CHRM3: variants seen among roughly 807,000 people sequenced by gnomAD.
The protein encoded by CHRM3 is muscarinic acetylcholine receptor M3.
CHRM3 carries 11 observed loss-of-function variants against 41.8 expected under a neutral mutation model. That is an observed-to-expected ratio of 0.26 (90% CI 0.17 to 0.44). CHRM3 has a LOEUF of 0.44. Among genes scored for constraint, CHRM3 ranks in the 20% least tolerant of loss-of-function variants. The pLI is 1.00. For missense variants in CHRM3, 571 were observed against 745.4 expected (o/e 0.77, Z 2.72); for synonymous variants, 297 against 301.4 (o/e 0.99, Z 0.15).
At chr1:239,433,827 T>C (rs1189126007) in intron 1 of CHRM3, among the ~76,000 whole-genome samples, 2 of 152,188 alleles carry the variant, frequency 1.3e-5, no homozygotes, top group African/African-American at 2.4e-5. Context: ...CCATCGTATA[T>C]ACATATATAC....
rs116329473 is a variant in CHRM3 at position 239,776,213 on chromosome 1, G to T, written c.-146-51039G>T. On this transcript the variant is annotated intron_variant, in intron 5 of 6. Transcript: ENST00000676153. ...ACAGACTCTGGAGCCAGACTCCTTG[G>T]ATTTGAATACAGCCTCCATGTTACC... is the stretch of plus-strand genomic sequence containing the variant. 7.0e-3 allele frequency among the ~76,000 whole-genome samples: 1,065 copies of T among 152,184 alleles called. 9 individuals carry two copies. Among genetic ancestry groups the T allele is most frequent in the African/African-American group, 0.024 (1,014 of 41,518 alleles).
intron 3 of CHRM3, among the ~76,000 whole-genome samples, chr1:239,582,714 G>A (rs1663010570): frequency 6.6e-6 from 1 of 152,016 alleles, no homozygotes; most frequent in Non-Finnish European, 1.5e-5. Flanking sequence ...TCTTTCCTGG[G>A]TTACTAAAAC....
chr1:239,429,224 CTT>C (rs1476850998), intron 1 of CHRM3, among the ~76,000 whole-genome samples: 1 of 152,164 alleles, frequency 6.6e-6, no homozygotes, highest in Non-Finnish European at 1.5e-5. Flanking sequence ...TCTAACAACT[CTT>C]TTGCCTGTGA....
At chr1:239,659,575 C>A (rs925100852) in intron 4 of CHRM3, among the ~76,000 whole-genome samples, 6 of 152,160 alleles carry the variant, frequency 3.9e-5, no homozygotes, top group African/African-American at 1.4e-4. Context: ...ACTTGAAATG[C>A]GACTAGTGGC....
chr1:239,482,827 G>A (rs1482133291), intron 1 of CHRM3, among the ~76,000 whole-genome samples: 1 of 152,188 alleles, frequency 6.6e-6, no homozygotes, highest in Non-Finnish European at 1.5e-5. Context: ...TCAAATGATT[G>A]AATGAATAAT....
chr1:239,469,668 T>A (rs995125015), intron 1 of CHRM3, among the ~76,000 whole-genome samples: 2 of 152,168 alleles, frequency 1.3e-5, no homozygotes, highest in Non-Finnish European at 2.9e-5. Context: ...GCAATTCTCC[T>A]GCCTCAGCCT....
chr1:239,841,046 T>C lies in CHRM3; in HGVS notation c.-20+13668T>C, dbSNP rs375399242. Among the ~76,000 whole-genome samples, 7 of 152,330 alleles carry C rather than the reference T, an allele frequency of 4.6e-5. No homozygotes were observed. In the East Asian group the frequency reaches 1.4e-3, roughly 29 times the overall value. On this transcript the variant is annotated intron_variant, in intron 6 of 6. Coordinates refer to ENST00000676153, the MANE Select transcript of CHRM3 (RefSeq NM_001375978.1). ...TTGCTCAGAGGCCATCCACCCACACTGTGTTCCATGGCACCCTGACTCTCT... is the reference window on the plus strand; with the variant it reads ...TTGCTCAGAGGCCATCCACCCACACCGTGTTCCATGGCACCCTGACTCTCT...
intron 2 of CHRM3, among the ~76,000 whole-genome samples, chr1:239,527,488 T>C (rs368925826): frequency 1.3e-5 from 2 of 152,222 alleles, no homozygotes; most frequent in East Asian, 3.8e-4. Context: ...CAACTGATTG[T>C]TCCTGGATCT....
At chr1:239,433,721 A>G (rs748579184) in intron 1 of CHRM3, among the ~76,000 whole-genome samples, 5 of 151,536 alleles carry the variant, frequency 3.3e-5, no homozygotes, top group Non-Finnish European at 7.4e-5. Flanking sequence ...TTGGTTTTCC[A>G]TTCCTGAGTT....
chr1:239,683,547 C>G (rs1042333694), intron 5 of CHRM3, among the ~76,000 whole-genome samples: 14 of 152,104 alleles, frequency 9.2e-5, no homozygotes, highest in Non-Finnish European at 5.9e-5. Context: ...GTCTTTTTTA[C>G]TTTTTTCTGC....
chr1:239,868,170 T>C (rs1301575949), intron 6 of CHRM3, among the ~76,000 whole-genome samples: 1 of 152,202 alleles, frequency 6.6e-6, no homozygotes, highest in Non-Finnish European at 1.5e-5. Context: ...GGGTGAGACA[T>C]TAATGCTCAG....
rs1558292812 is a variant in CHRM3, at chr1:239,529,620, AAAAAAAAAAAACAAAC to A, written c.-421-16017_-421-16002del. 3.4e-4 allele frequency among the ~76,000 whole-genome samples: 38 copies of A among 112,110 alleles called. No homozygotes were observed. The East Asian group carries it at 7.8e-3, about 23-fold the overall frequency. The allele number at this position is 112,110 out of a possible 152,430, so 73.5% of individuals were successfully genotyped here. On this transcript the variant is annotated intron_variant, in intron 2 of 6. Transcript: ENST00000676153. ...GAGAGACTCCGTCTCAAAAAAAAAA[AAAAAAAAAAAACAAAC>A]AAACAACAACAATAACAACAACAAA...
intron 3 of CHRM3, among the ~76,000 whole-genome samples, chr1:239,594,987 G>C (rs1477847512): frequency 2.6e-5 from 4 of 152,230 alleles, no homozygotes; most frequent in Non-Finnish European, 5.9e-5. Context: ...TACTTGGGAG[G>C]CTGAGGCAGG....
chr1:239,662,949 C>T (rs1174358461), intron 4 of CHRM3, among the ~76,000 whole-genome samples: 1 of 56,614 alleles, frequency 1.8e-5, no homozygotes, highest in Admixed American at 2.3e-4. Flanking sequence ...CTTCTTCCTT[C>T]TCCTTTCTCC....
chr1:239,404,402 A>G (rs1190575529), intron 1 of CHRM3, among the ~76,000 whole-genome samples: 1 of 64,736 alleles, frequency 1.5e-5, no homozygotes, highest in East Asian at 4.5e-4. Context: ...GAAAGAAAGA[A>G]AGAAAGAAAA....
chr1:239,730,668 A>G (rs937504937), intron 5 of CHRM3, among the ~76,000 whole-genome samples: 9 of 151,992 alleles, frequency 5.9e-5, no homozygotes, highest in Non-Finnish European at 7.4e-5. Context: ...GCATGAGTGA[A>G]CCATGGACGC....
chr1:239,426,147 TCCCCCCTC>T (rs1662361442), intron 1 of CHRM3, among the ~76,000 whole-genome samples: 1 of 23,228 alleles, frequency 4.3e-5, no homozygotes, highest in South Asian at 3.4e-3. Context: ...CCCTCCCCCC[TCCCCCCTC>T]CCCCCACCCC....
intron 1 of CHRM3, among the ~76,000 whole-genome samples, chr1:239,471,283 C>CTAGA (rs143133701): frequency 0.02 from 2,994 of 152,174 alleles, 91 homozygotes; most frequent in African/African-American, 0.067. Context: ...CTTAACTGAG[C>CTAGA]TAGAGGAGAG....
chr1:239,774,140 C>A (rs1019337589), intron 5 of CHRM3, among the ~76,000 whole-genome samples: 6 of 152,108 alleles, frequency 3.9e-5, no homozygotes, highest in Non-Finnish European at 8.8e-5. Context: ...TTATGTGTCC[C>A]GTGATCAACA....
Sources: allele counts gnomAD v4.1 joint callset (sites outside exome capture counted in the v4.1 genomes callset), GRCh38; gene constraint gnomAD v4.1.1; transcripts MANE v1.5; gene names NCBI Gene and HGNC (gene_info 2026-07-23, HGNC 2026-07-21).